Variants in PIP4K2B observed in about 807,000 individuals in gnomAD.
PIP4K2B encodes phosphatidylinositol-5-phosphate 4-kinase type 2 beta.
Under a neutral mutation model 42.0 loss-of-function variants are expected in PIP4K2B, and 3 were observed. The observed-to-expected ratio is 0.07, with a 90% CI of 0.03 to 0.18. The LOEUF is 0.18. PIP4K2B is among the 10% of genes least tolerant of loss of function. The pLI is 1.00. For synonymous variants in PIP4K2B, 204 were observed against 210.1 expected, an observed-to-expected ratio of 0.97 and a Z score of 0.25; for missense variants, 332 against 562.3, an observed-to-expected ratio of 0.59 and a Z score of 4.14.
At chr17:38,790,510 G>A (rs987190230) in intron 1 of PIP4K2B, among the ~76,000 whole-genome samples, 8 of 152,210 alleles carry the variant, frequency 5.3e-5, no homozygotes, top group Admixed American at 1.3e-4. Flanking sequence ...CCAGGCTGGA[G>A]TGCAGTGGCA....
chr17:38,783,478 G>A (rs917280137), intron 3 of PIP4K2B, among the ~76,000 whole-genome samples: 1 of 152,192 alleles, frequency 6.6e-6, no homozygotes, highest in Non-Finnish European at 1.5e-5. Flanking sequence ...CACCAGGATA[G>A]GGCACAAGTT....
chr17:38,780,804 G>T (rs1371924467), intron 3 of PIP4K2B, among the ~76,000 whole-genome samples, 200 bp from the exon 4 acceptor site: 1 of 152,104 alleles, frequency 6.6e-6, no homozygotes, highest in African/African-American at 2.4e-5. Context: ...GACAAGAATT[G>T]TTCCTTACCA....
intron 7 of PIP4K2B, among the ~76,000 whole-genome samples, chr17:38,774,989 G>A (rs961548208): frequency 2.6e-5 from 4 of 151,170 alleles, no homozygotes; most frequent in African/African-American, 4.9e-5. Flanking sequence ...TCGTTCTGTC[G>A]CCCAGGCTGG....
chr17:38,774,553 G>A (rs1334706378), intron 7 of PIP4K2B, among the ~76,000 whole-genome samples: 1 of 152,118 alleles, frequency 6.6e-6, no homozygotes, highest in African/African-American at 2.4e-5. Flanking sequence ...CAGATCATGA[G>A]GTCAGGAGAT....
intron 1 of PIP4K2B, among the ~76,000 whole-genome samples, chr17:38,789,734 C>A (rs927019619): frequency 2.6e-5 from 4 of 152,090 alleles, no homozygotes; most frequent in African/African-American, 9.7e-5. Flanking sequence ...CCAATTTACT[C>A]ATGGAGAAAT....
At chr17:38,795,441 TACA>T (rs1054425424) in intron 1 of PIP4K2B, among the ~76,000 whole-genome samples, 21 of 151,982 alleles carry the variant, frequency 1.4e-4, no homozygotes, top group African/African-American at 3.9e-4. Context: ...ACCCTGTCTC[TACA>T]ACAACAACAA....
chr17:38,779,699 G>A (rs1173680251), intron 4 of PIP4K2B, among the ~76,000 whole-genome samples, 170 bp from the exon 5 acceptor site: 2 of 152,148 alleles, frequency 1.3e-5, no homozygotes, highest in Non-Finnish European at 2.9e-5. Flanking sequence ...GCTTAAAATG[G>A]GCAACAGCCA....
chr17:38,774,415 C>A (rs1909203432), intron 7 of PIP4K2B, among the ~76,000 whole-genome samples: 1 of 152,196 alleles, frequency 6.6e-6, no homozygotes, highest in South Asian at 2.1e-4. Flanking sequence ...TCCTGGGCCT[C>A]CGGCTTGCTG....
Position 38,768,461 on chromosome 17 carries a change from G to T in PIP4K2B, c.*1230C>A, listed in dbSNP as rs1211324737. 6.5e-6 allele frequency: 1 copy of T among 152,818 alleles called. No homozygotes were observed. The highest frequency in any genetic ancestry group is 1.5e-5 in the Non-Finnish European group (1 of 68,062). The allele number at this position is 152,818 out of a possible 1,614,324, so 9.5% of individuals were successfully genotyped here. Reference sequence around the variant, plus strand: ...AAACCCACATCAAGCCTCCAAACTGGATTTCCTGGATCACATCCTCATGTA... The same window carrying T: ...AAACCCACATCAAGCCTCCAAACTGTATTTCCTGGATCACATCCTCATGTA... On this transcript the variant is annotated 3_prime_UTR_variant, in exon 10 of 10. Coordinates refer to ENST00000619039, the MANE Select transcript of PIP4K2B (RefSeq NM_003559.5).
chr17:38,775,790 G>A (rs183323998), intron 7 of PIP4K2B, among the ~76,000 whole-genome samples: 242 of 151,948 alleles, frequency 1.6e-3, no homozygotes, highest in African/African-American at 5.5e-3. Context: ...CCCGGGAGGC[G>A]GAGGTTGCAG....
chr17:38,798,912 C>CA (rs1164484375), intron 1 of PIP4K2B, among the ~76,000 whole-genome samples: 1 of 152,144 alleles, frequency 6.6e-6, no homozygotes, highest in African/African-American at 2.4e-5. Context: ...TACACCCTCA[C>CA]AAACAGGATG....
At chr17:38,779,316 G>A (rs1909553120) in intron 5 of PIP4K2B, 67 bp downstream of exon 5, 2 of 1,466,018 alleles carry the variant, frequency 1.4e-6, no homozygotes, top group African/African-American at 1.4e-5. Context: ...ATGGAAGTTG[G>A]AGTAGTGGCC....
intron 4 of PIP4K2B, 26 bp downstream of exon 4, chr17:38,780,426 C>T (rs748901258): frequency 1.9e-6 from 3 of 1,582,062 alleles, no homozygotes; most frequent in South Asian, 2.3e-5. Context: ...CCATCCTCTG[C>T]AGCCCAGGCT....
At chr17:38,780,142 TG>T (rs1909613693) in intron 4 of PIP4K2B, among the ~76,000 whole-genome samples, 2 of 152,044 alleles carry the variant, frequency 1.3e-5, no homozygotes, top group Admixed American at 1.3e-4. Context: ...AGTGGAGAGA[TG>T]GGACGGGAAA....
Position 38,780,535 on chromosome 17 carries a change from T to C in PIP4K2B, c.424A>G (p.Thr142Ala), listed in dbSNP as rs752318067. The change falls in exon 4 of 10, where the codon ACC becomes GCC. Residue 142 changes from threonine (T) to alanine (A), a missense_variant. Thr to Ala is a moderately conservative substitution (Grantham distance 58). Around this residue, in one of 6 missense-constraint regions of PIP4K2B, gnomAD observed 186 missense variants for 288.4 expected, o/e 0.64. Transcript: ENST00000619039. ...TTGATGACAAAGCGCCGGTCGTAGG[T>C]GGTGAGGAAACGCGTGCCACACCGA... The part of the protein sequence containing the change: ...QGRCGTRFLT[T>A]YDRRFVIKTV... 11 of 1,613,940 alleles carry C rather than the reference T, an allele frequency of 6.8e-6. No individual in the cohort carries two copies. The South Asian group carries it at 9.9e-5, about 14-fold the overall frequency.
chr17:38,774,980 C>T lies in PIP4K2B; in HGVS notation c.807+2707G>A, dbSNP rs182427040. 5.9e-4 allele frequency among the ~76,000 whole-genome samples: 90 copies of T among 151,564 alleles called. 1 individual carries two copies. In the East Asian group the frequency reaches 0.012, roughly 20 times the overall value. ...TGTGTGTGTTTTTGAGATGAGGTCT[C>T]GTTCTGTCGCCCAGGCTGGAGTGCA... is the stretch of plus-strand genomic sequence containing the variant. On this transcript the variant is annotated intron_variant, in intron 7 of 9. Coordinates refer to ENST00000619039, the MANE Select transcript of PIP4K2B (RefSeq NM_003559.5).
intron 1 of PIP4K2B, among the ~76,000 whole-genome samples, chr17:38,796,274 A>G (rs780216048): frequency 6.6e-5 from 10 of 152,218 alleles, no homozygotes; most frequent in Non-Finnish European, 1.3e-4. Context: ...GCTGGTAGAC[A>G]TGTAAAATGG....
In PIP4K2B at chr17:38,786,930, AAGG is replaced by A. The variant is rs1910047774; in HGVS notation, c.160-13_160-11del. 6.3e-7 allele frequency: 1 copy of A among 1,594,080 alleles called. No individual in the cohort carries two copies. Among genetic ancestry groups the A allele is most frequent in the South Asian group, 1.1e-5 (1 of 90,706 alleles). ...TGCTCAGCTCATTGATCTGAAAAGC[AAGG>A]AGAACGTAAGGCTCTCAGCCAGGAG... On this transcript the variant is annotated splice_polypyrimidine_tract_variant and intron_variant, in intron 1 of 9. Coordinates refer to ENST00000619039, the MANE Select transcript of PIP4K2B (RefSeq NM_003559.5).
At chr17:38,776,681 T>C (rs895852685) in intron 7 of PIP4K2B, 3 of 407,052 alleles carry the variant, frequency 7.4e-6, no homozygotes. Context: ...ATTATATGTA[T>C]TTTACCACAA....
Sources: allele counts gnomAD v4.1 joint callset (sites outside exome capture counted in the v4.1 genomes callset), GRCh38; gene constraint gnomAD v4.1.1; regional missense constraint gnomAD v4.1.1; transcripts MANE v1.5; gene names NCBI Gene and HGNC (gene_info 2026-07-23, HGNC 2026-07-21).